TRIM2: variants seen among roughly 807,000 people sequenced by gnomAD.
The protein encoded by TRIM2 is tripartite motif containing 2.
A neutral mutation model predicts 75.2 loss-of-function variants in TRIM2; 20 were observed. The ratio of observed to expected loss-of-function variants is 0.27; its 90% CI spans 0.19 to 0.39. The LOEUF is 0.39. Among genes scored for constraint, TRIM2 ranks in the 10% least tolerant of loss-of-function variants. The pLI is 1.00. For synonymous variants in TRIM2, 373 were observed against 388.3 expected, an observed-to-expected ratio of 0.96 and a Z score of 0.46; for missense variants, 660 against 990.8, an observed-to-expected ratio of 0.67 and a Z score of 4.48.
At chr4:153,188,287 C>T (rs1732822042) in intron 1 of TRIM2, among the ~76,000 whole-genome samples, 1 of 152,108 alleles carries the variant, frequency 6.6e-6, no homozygotes, top group Non-Finnish European at 1.5e-5. Flanking sequence ...TGGTGAAACG[C>T]CTTCTCTACA....
intron 6 of TRIM2, among the ~76,000 whole-genome samples, chr4:153,298,805 C>T (rs1407644677): frequency 6.6e-6 from 1 of 152,144 alleles, no homozygotes; most frequent in Non-Finnish European, 1.5e-5. Context: ...GTGATCATGG[C>T]TCATTGTAGC....
At chr4:153,260,054 G>T (rs1441869487) in intron 1 of TRIM2, among the ~76,000 whole-genome samples, 1 of 152,118 alleles carries the variant, frequency 6.6e-6, no homozygotes, top group African/African-American at 2.4e-5. Context: ...TAAATAATGT[G>T]CTTCGTATAT....
chr4:153,153,732 C>A (rs1282750459), intron 1 of TRIM2, among the ~76,000 whole-genome samples: 1 of 152,194 alleles, frequency 6.6e-6, no homozygotes, highest in Non-Finnish European at 1.5e-5. Flanking sequence ...CCTGCAGGGA[C>A]ACGGGCGTGG....
At chr4:153,268,356 G>A (rs953413820) in intron 1 of TRIM2, among the ~76,000 whole-genome samples, 38 of 116,298 alleles carry the variant, frequency 3.3e-4, no homozygotes, top group East Asian at 2.0e-4. Context: ...TTTTGGAAAA[G>A]GGCCATTATC....
chr4:153,308,511 T>C, intron 6 of TRIM2: 1 of 757,854 alleles, frequency 1.3e-6, no homozygotes, highest in Admixed American at 1.7e-5. Flanking sequence ...TAAGTGCTGA[T>C]ACAAGTTCCT....
intron 1 of TRIM2, among the ~76,000 whole-genome samples, chr4:153,173,056 C>T (rs1264466228): frequency 6.6e-6 from 1 of 152,220 alleles, no homozygotes; most frequent in Non-Finnish European, 1.5e-5. Flanking sequence ...TCCTTACCAG[C>T]TAATGGCATG....
At chr4:153,292,095 T>G (rs1293982357) in intron 3 of TRIM2, among the ~76,000 whole-genome samples, 1 of 152,202 alleles carries the variant, frequency 6.6e-6, no homozygotes, top group Non-Finnish European at 1.5e-5. Context: ...TCAAGCAGTC[T>G]TCAAGGTCAA....
intron 1 of TRIM2, among the ~76,000 whole-genome samples, chr4:153,262,913 A>G (rs530734881): frequency 6.6e-5 from 10 of 152,318 alleles, no homozygotes; most frequent in Non-Finnish European, 1.3e-4. Flanking sequence ...CACTGTCATA[A>G]TTTTTGTGAA....
chr4:153,238,624 GGCATAGAATGAGT>G (rs1745638796), intron 1 of TRIM2, among the ~76,000 whole-genome samples: 1 of 152,206 alleles, frequency 6.6e-6, no homozygotes, highest in South Asian at 2.1e-4. Context: ...ATTCTCTGGA[GGCATAGAATGAGT>G]GCATTTTAAG....
chr4:153,172,291 C>T (rs1418453167), intron 1 of TRIM2, among the ~76,000 whole-genome samples: 1 of 152,054 alleles, frequency 6.6e-6, no homozygotes, highest in Non-Finnish European at 1.5e-5. Flanking sequence ...GGGTTCACGC[C>T]ATTCTCCTGC....
In TRIM2 at chr4:153,337,265, T is replaced by C; in HGVS notation, c.*2299T>C. 1 of 985,770 alleles carries C rather than the reference T, an allele frequency of 1.0e-6. No individual in the cohort carries two copies. Among genetic ancestry groups the C allele is most frequent in the Non-Finnish European group, 1.2e-6 (1 of 829,934 alleles). 61.1% of individuals were successfully genotyped at this position (985,770 alleles called of 1,614,324 possible). On this transcript the variant is annotated 3_prime_UTR_variant, in exon 12 of 12. Coordinates refer to ENST00000338700, the MANE Select transcript of TRIM2 (RefSeq NM_015271.5). Reference sequence around the variant, plus strand: ...CTGTTGATCTTAAAACTAGTTGATTTAAAGAGTTTTTTTGCACAACATTTC... The same window carrying C: ...CTGTTGATCTTAAAACTAGTTGATTCAAAGAGTTTTTTTGCACAACATTTC...
intron 1 of TRIM2, among the ~76,000 whole-genome samples, chr4:153,225,322 T>C (rs1192984864): frequency 6.6e-6 from 1 of 152,230 alleles, no homozygotes; most frequent in Non-Finnish European, 1.5e-5. Flanking sequence ...GCAAATGCTT[T>C]TGATGCTGCT....
chr4:153,201,073 C>T (rs1734316531), upstream of TRIM2, among the ~76,000 whole-genome samples: 1 of 152,156 alleles, frequency 6.6e-6, no homozygotes, highest in Non-Finnish European at 1.5e-5. Flanking sequence ...AAGCAATTCT[C>T]CTTCCTCAAC....
At position 153,322,721 on chromosome 4, in the gene TRIM2, T is replaced by G; in HGVS notation, c.1856T>G (p.Val619Gly). 6.2e-7 allele frequency: 1 copy of G among 1,614,210 alleles called. No homozygotes were observed. The highest frequency in any genetic ancestry group is 8.5e-7 in the Non-Finnish European group (1 of 1,180,040). The change falls in exon 9 of 12, where the codon GTG becomes GGG. Residue 619 changes from valine (V) to glycine (G), a missense_variant. Val to Gly is a moderately radical substitution (Grantham distance 109, BLOSUM62 -3). Around this residue, in one of 2 missense-constraint regions of TRIM2, gnomAD observed 620 missense variants for 891.0 expected, o/e 0.70. Transcript: ENST00000338700. ...GACCGCAATGGGCACATTATTGTTG[T>G]GGACAACAAGGCGTGCTGCGTGTTT... Reference protein sequence around the residue: ...SVDRNGHIIVVDNKACCVFIF... With the variant: ...SVDRNGHIIVGDNKACCVFIF...
At chr4:153,275,233 T>C (rs1011360298) in intron 2 of TRIM2, among the ~76,000 whole-genome samples, 2 of 152,202 alleles carry the variant, frequency 1.3e-5, no homozygotes, top group African/African-American at 4.8e-5. Flanking sequence ...ATGAGCAGCA[T>C]ATGTGTGAGT....
chr4:153,203,103 C>CAAAAA (rs200371158), upstream of TRIM2, among the ~76,000 whole-genome samples: 2 of 87,326 alleles, frequency 2.3e-5, no homozygotes, highest in Admixed American at 1.2e-4. Context: ...GACTCCATCT[C>CAAAAA]AAAAAAAAAA....
intron 1 of TRIM2, among the ~76,000 whole-genome samples, chr4:153,255,964 T>G (rs1751985362): frequency 6.6e-6 from 1 of 152,106 alleles, no homozygotes; most frequent in African/African-American, 2.4e-5. Context: ...AAGAGAGAGA[T>G]AGCTAAAGGG....
intron 6 of TRIM2, among the ~76,000 whole-genome samples, chr4:153,311,979 T>C (rs1766458359): frequency 6.6e-6 from 1 of 151,688 alleles, no homozygotes. Flanking sequence ...GTTAGTTACA[T>C]ATGTATACAT....
chr4:153,297,153 C>T (rs1326312980), intron 6 of TRIM2, among the ~76,000 whole-genome samples: 1 of 152,168 alleles, frequency 6.6e-6, no homozygotes, highest in Non-Finnish European at 1.5e-5. Context: ...CGTTCTTGGG[C>T]AGAGCTGCTC....
Sources: gnomAD v4.1 joint callset for allele counts (sites outside exome capture counted in the v4.1 genomes callset) on GRCh38, gnomAD v4.1.1 for gene constraint, gnomAD v4.1.1 regional missense constraint, MANE v1.5 for transcripts, NCBI Gene and HGNC (gene_info 2026-07-23, HGNC 2026-07-21) for gene names.